Variants in PTPRD observed in about 807,000 individuals in gnomAD.
The protein encoded by PTPRD is protein tyrosine phosphatase receptor type D.
A neutral mutation model predicts 214.5 loss-of-function variants in PTPRD; 34 were observed. That is an observed-to-expected ratio of 0.16 (90% CI 0.12 to 0.21). The LOEUF (loss-of-function observed/expected upper bound fraction) is 0.21, where lower values mean the gene tolerates loss of function less well. PTPRD is among the 10% of genes least tolerant of loss of function. PTPRD has a pLI of 1.00. For missense variants in PTPRD, 2,545 were observed against 2,398.7 expected (o/e 1.06, Z -1.27); for synonymous variants, 1,128 against 845.7 (o/e 1.33, Z -5.79).
intron 5 of PTPRD, among the ~76,000 whole-genome samples, chr9:9,839,783 C>T (rs145368006): frequency 8.5e-5 from 13 of 152,212 alleles, no homozygotes; most frequent in Admixed American, 5.2e-4. Context: ...GGAGGCATCA[C>T]GCTACCTGAT....
At chr9:9,929,097 C>T (rs1246381866) in intron 5 of PTPRD, among the ~76,000 whole-genome samples, 3 of 152,090 alleles carry the variant, frequency 2.0e-5, no homozygotes, top group East Asian at 1.9e-4. Flanking sequence ...CATATCTGTC[C>T]GCTATACCTA....
intron 3 of PTPRD, among the ~76,000 whole-genome samples, chr9:10,062,870 G>C (rs1198420558): frequency 6.6e-6 from 1 of 151,962 alleles, no homozygotes; most frequent in Admixed American, 6.6e-5. Flanking sequence ...CTGTGACTCA[G>C]TCTTGCTCCC....
At chr9:10,100,980 G>C (rs2098546281) in intron 3 of PTPRD, among the ~76,000 whole-genome samples, 1 of 151,588 alleles carries the variant, frequency 6.6e-6, no homozygotes, top group South Asian at 2.1e-4. Context: ...CATTTCCTTA[G>C]GATGGGCTTT....
intron 12 of PTPRD, among the ~76,000 whole-genome samples, chr9:8,671,764 G>A (rs1054182440): frequency 2.6e-5 from 4 of 152,076 alleles, no homozygotes; most frequent in Admixed American, 6.6e-5. Flanking sequence ...TGCAACTTAC[G>A]ACTTTTAGAA....
intron 5 of PTPRD, among the ~76,000 whole-genome samples, chr9:9,775,040 G>A (rs2098785674): frequency 1.3e-5 from 2 of 152,286 alleles, no homozygotes; most frequent in South Asian, 2.1e-4. Flanking sequence ...GATGAAGGAA[G>A]TAAGTCCCTC....
rs537233750 is a variant in PTPRD, at chr9:8,741,624, C to T, written c.-103-7678G>A. On this transcript the variant is annotated intron_variant, in intron 11 of 45. Coordinates refer to ENST00000381196, the MANE Select transcript of PTPRD (RefSeq NM_002839.4). ...TTTGAGATGAAGTCTCATTCTGTTG[C>T]CCAAGCTGGAGTGCAGTGGTGTGAT... Among the ~76,000 whole-genome samples, 397 of 109,222 alleles carry T rather than the reference C, an allele frequency of 3.6e-3. No individual in the cohort carries two copies. The Middle Eastern group carries it at 0.045, about 13-fold the overall frequency. The allele number at this position is 109,222 out of a possible 152,430, so 71.7% of individuals were successfully genotyped here. A position where few individuals can be genotyped will look rare whatever the true frequency, so the allele number is the denominator to read the frequency against.
intron 3 of PTPRD, among the ~76,000 whole-genome samples, chr9:10,242,029 C>G (rs948196729): frequency 2.6e-5 from 4 of 151,716 alleles, no homozygotes; most frequent in Admixed American, 6.6e-5. Context: ...GAGTAAAAGG[C>G]TAAAGAAACT....
intron 3 of PTPRD, among the ~76,000 whole-genome samples, chr9:10,144,195 C>G (rs1021799343): frequency 2.0e-5 from 3 of 152,154 alleles, no homozygotes; most frequent in Admixed American, 2.0e-4. Flanking sequence ...TCTTAAGAAA[C>G]TCTTTGCAAT....
At chr9:8,591,678 C>T (rs1247172335) in intron 14 of PTPRD, among the ~76,000 whole-genome samples, 5 of 152,092 alleles carry the variant, frequency 3.3e-5, no homozygotes, top group African/African-American at 1.2e-4. Context: ...GGCTAAATTA[C>T]CAAGTCTGAG....
intron 10 of PTPRD, among the ~76,000 whole-genome samples, chr9:9,037,121 A>G (rs2099624521): frequency 6.6e-6 from 1 of 152,260 alleles, no homozygotes; most frequent in Non-Finnish European, 1.5e-5. Flanking sequence ...CGTGCCTGGA[A>G]TCTGGAATTA....
chr9:8,903,649 A>G (rs2098687851), intron 11 of PTPRD, among the ~76,000 whole-genome samples: 1 of 152,210 alleles, frequency 6.6e-6, no homozygotes, highest in Non-Finnish European at 1.5e-5. Flanking sequence ...GAATAAAAAT[A>G]TTTCAATGCT....
intron 16 of PTPRD, among the ~76,000 whole-genome samples, chr9:8,526,957 C>CT (rs2074319960): frequency 7.0e-6 from 1 of 142,414 alleles, no homozygotes; most frequent in African/African-American, 2.5e-5. Flanking sequence ...CCTCATATCT[C>CT]TTAAAAAAAA....
chr9:10,432,513 A>G (rs1361879828), intron 2 of PTPRD, among the ~76,000 whole-genome samples: 4 of 151,718 alleles, frequency 2.6e-5, no homozygotes, highest in Admixed American at 2.0e-4. Context: ...TTCCCTCAAC[A>G]CTAATTCTTC....
At position 8,666,319 on chromosome 9, in the gene PTPRD, A is replaced by G. The variant is rs114276960; in HGVS notation, c.65-29475T>C. 7.1e-3 allele frequency among the ~76,000 whole-genome samples: 1,080 copies of G among 152,364 alleles called. 10 individuals are homozygous for G. The highest frequency in any genetic ancestry group is 0.025 in the African/African-American group (1,035 of 41,592). The stretch of plus-strand genomic sequence containing the variant: ...GTTAAGTCAACATTCAATGCAGGAT[A>G]AAATGAAATGGTTTGTTCAGAAGGA... On this transcript the variant is annotated intron_variant, in intron 12 of 45. Transcript: ENST00000381196.
intron 3 of PTPRD, among the ~76,000 whole-genome samples, chr9:10,036,708 C>T: frequency 6.6e-6 from 1 of 151,968 alleles, no homozygotes; most frequent in South Asian, 2.1e-4. Flanking sequence ...CCTCAGCCTC[C>T]CAAGAAGCTG....
chr9:9,396,475 A>AT (rs928105406), intron 9 of PTPRD, among the ~76,000 whole-genome samples: 25 of 152,068 alleles, frequency 1.6e-4, no homozygotes, highest in Middle Eastern at 3.4e-3. Context: ...GGCTTTTAAT[A>AT]TTTTTTTCCA....
At chr9:8,578,833 G>C (rs2092749430) in intron 14 of PTPRD, among the ~76,000 whole-genome samples, 3 of 152,182 alleles carry the variant, frequency 2.0e-5, no homozygotes, top group African/African-American at 7.2e-5. Context: ...TGATTAAAAA[G>C]TACAGGAGTT....
chr9:9,694,311 G>A (rs2097330381), intron 7 of PTPRD, among the ~76,000 whole-genome samples: 1 of 152,088 alleles, frequency 6.6e-6, no homozygotes, highest in South Asian at 2.1e-4. Flanking sequence ...CAGACTTGTA[G>A]TGGTACTCTC....
intron 10 of PTPRD, among the ~76,000 whole-genome samples, chr9:9,133,233 C>T (rs2099845554): frequency 1.3e-5 from 2 of 152,116 alleles, no homozygotes; most frequent in Admixed American, 6.6e-5. Context: ...CAGGTGTTGG[C>T]TGGCAGATAG....
Sources: gnomAD v4.1 joint callset for allele counts (sites outside exome capture counted in the v4.1 genomes callset) on GRCh38, gnomAD v4.1.1 for gene constraint, MANE v1.5 for transcripts, NCBI Gene and HGNC (gene_info 2026-07-23, HGNC 2026-07-21) for gene names.